WWOX: variants seen among roughly 807,000 people sequenced by gnomAD.
The protein encoded by WWOX is WW domain-containing oxidoreductase.
A neutral mutation model predicts 46.2 loss-of-function variants in WWOX; 69 were observed. The observed-to-expected ratio is 1.49, with a 90% CI of 1.23 to 1.82. The LOEUF (loss-of-function observed/expected upper bound fraction) is 1.82. WWOX is among the 40% of genes most tolerant of loss of function. The pLI is 0.00. For synonymous variants in WWOX, 359 were observed against 202.6 expected (o/e 1.77, Z -6.56); for missense variants, 919 against 542.6 (o/e 1.69, Z -6.89).
At chr16:78,914,476 A>G (rs896297208) in intron 8 of WWOX, among the ~76,000 whole-genome samples, 6 of 152,018 alleles carry the variant, frequency 3.9e-5, no homozygotes, top group African/African-American at 1.2e-4. Context: ...ATTTCTTTTT[A>G]ATGCAGAAGA....
chr16:79,157,349 T>C (rs1047736766), intron 8 of WWOX, among the ~76,000 whole-genome samples: 1 of 151,598 alleles, frequency 6.6e-6, no homozygotes, highest in Non-Finnish European at 1.5e-5. Context: ...CTCTTAGCTC[T>C]CACAGTTAGA....
intron 5 of WWOX, among the ~76,000 whole-genome samples, chr16:78,342,787 T>C (rs987750995): frequency 8.3e-6 from 1 of 120,672 alleles, no homozygotes; most frequent in East Asian, 1.9e-4. Flanking sequence ...CACCAGATTG[T>C]CCCATTCCAC....
chr16:78,530,152 C>T (rs1356979179), intron 8 of WWOX, among the ~76,000 whole-genome samples: 2 of 152,116 alleles, frequency 1.3e-5, no homozygotes, highest in African/African-American at 2.4e-5. Flanking sequence ...TCTGTACTGG[C>T]CCTGGGATAG....
At chr16:79,096,716 G>C (rs1479322830) in intron 8 of WWOX, among the ~76,000 whole-genome samples, 2 of 152,186 alleles carry the variant, frequency 1.3e-5, no homozygotes, top group East Asian at 3.9e-4. Context: ...CTTTGAGAAT[G>C]CTGGCTCCAA....
rs143096821 is a variant in WWOX, at chr16:78,768,676, T to C, written c.1056+335924T>C. Among the ~76,000 whole-genome samples, 564 of 152,328 alleles carry C rather than the reference T, an allele frequency of 3.7e-3. 3 individuals are homozygous for C. The highest frequency in any genetic ancestry group is 7.3e-3 in the Admixed American group (111 of 15,296). On this transcript the variant is annotated intron_variant, in intron 8 of 8. Transcript: ENST00000566780. ...TTTTCAGAGGTTGTGAAATTAACTCTGTAGATTGGGGAGTGTAGTTTGTCA... is the reference window on the plus strand; with the variant it reads ...TTTTCAGAGGTTGTGAAATTAACTCCGTAGATTGGGGAGTGTAGTTTGTCA...
chr16:79,089,064 C>T (rs1293332545), intron 8 of WWOX, among the ~76,000 whole-genome samples: 1 of 152,138 alleles, frequency 6.6e-6, no homozygotes, highest in Non-Finnish European at 1.5e-5. Flanking sequence ...GGTGTCTTTT[C>T]TGTATGCAGT....
chr16:78,118,269 T>C (rs1567581164), intron 4 of WWOX, among the ~76,000 whole-genome samples: 1 of 152,030 alleles, frequency 6.6e-6, no homozygotes, highest in African/African-American at 2.4e-5. Context: ...GATACTGATA[T>C]TACTAAGGCA....
chr16:78,612,073 G>A (rs1043529565), intron 8 of WWOX, among the ~76,000 whole-genome samples: 4 of 152,146 alleles, frequency 2.6e-5, no homozygotes, highest in African/African-American at 9.7e-5. Flanking sequence ...ATATCCTTTA[G>A]GATTCTTTAG....
chr16:78,411,386 C>G (rs1480279747), intron 6 of WWOX, among the ~76,000 whole-genome samples: 1 of 152,032 alleles, frequency 6.6e-6, no homozygotes, highest in South Asian at 2.1e-4. Flanking sequence ...GGGAAATTTT[C>G]TTCAGTGAAA....
intron 5 of WWOX, among the ~76,000 whole-genome samples, chr16:78,187,571 C>T (rs1327396079): frequency 4.6e-5 from 7 of 152,172 alleles, no homozygotes; most frequent in Admixed American, 4.6e-4. Flanking sequence ...CCACTGCACT[C>T]CAGCCTGGTC....
chr16:78,515,023 C>T (rs868142644), intron 8 of WWOX, among the ~76,000 whole-genome samples: 34 of 152,208 alleles, frequency 2.2e-4, no homozygotes, highest in Middle Eastern at 6.8e-3. Context: ...ACATCAAGAC[C>T]AGTCTGGCCA....
chr16:79,048,914 C>A (rs1384084342), intron 8 of WWOX, among the ~76,000 whole-genome samples: 1 of 152,122 alleles, frequency 6.6e-6, no homozygotes, highest in Non-Finnish European at 1.5e-5. Context: ...TGTAAGGGAC[C>A]CCCGCCTTTG....
At chr16:78,628,316 C>T (rs926607444) in intron 8 of WWOX, among the ~76,000 whole-genome samples, 14 of 152,130 alleles carry the variant, frequency 9.2e-5, no homozygotes, top group Non-Finnish European at 1.8e-4. Flanking sequence ...TTCAGTGTTT[C>T]AGAATCTCAG....
chr16:78,760,223 C>G (rs556415491), intron 8 of WWOX, among the ~76,000 whole-genome samples: 5 of 152,152 alleles, frequency 3.3e-5, no homozygotes, highest in Admixed American at 1.3e-4. Context: ...GTTATAAAAA[C>G]ATTAGATCTC....
chr16:78,103,869 C>T (rs1463965979), intron 1 of WWOX, among the ~76,000 whole-genome samples: 2 of 151,934 alleles, frequency 1.3e-5, no homozygotes, highest in Non-Finnish European at 2.9e-5. Flanking sequence ...GTCGGCCTCT[C>T]CTGCTTTCCC....
chr16:78,810,643 G>A (rs965193062), intron 8 of WWOX, among the ~76,000 whole-genome samples: 3 of 152,190 alleles, frequency 2.0e-5, no homozygotes, highest in African/African-American at 7.2e-5. Flanking sequence ...CGCTGAACAG[G>A]ACGTTTGGTT....
At chr16:79,093,797 C>G (rs1418657211) in intron 8 of WWOX, among the ~76,000 whole-genome samples, 1 of 152,206 alleles carries the variant, frequency 6.6e-6, no homozygotes, top group African/African-American at 2.4e-5. Context: ...CTTCCCCTCC[C>G]CCTGCCCTTC....
chr16:78,948,534 GA>G, intron 8 of WWOX, among the ~76,000 whole-genome samples: 2 of 152,240 alleles, frequency 1.3e-5, no homozygotes, highest in Middle Eastern at 6.8e-3. Context: ...TCTGCTGCCT[GA>G]TTGGTAGGTG....
intron 8 of WWOX, among the ~76,000 whole-genome samples, chr16:78,938,508 C>A (rs1341874775): frequency 6.9e-6 from 1 of 145,558 alleles, no homozygotes; most frequent in Non-Finnish European, 1.5e-5. Context: ...CTCGGTGGGC[C>A]TGTTTGAGTT....
Sources: gnomAD v4.1 joint callset for allele counts (sites outside exome capture counted in the v4.1 genomes callset) on GRCh38, gnomAD v4.1.1 for gene constraint, MANE v1.5 for transcripts, NCBI Gene and HGNC (gene_info 2026-07-23, HGNC 2026-07-21) for gene names.